Variants in RNF13 observed in about 807,000 individuals in gnomAD.
RNF13 encodes E3 ubiquitin-protein ligase RNF13.
Under a neutral mutation model 37.7 loss-of-function variants are expected in RNF13, and 19 were observed. The ratio of observed to expected loss-of-function variants is 0.50; its 90% CI spans 0.35 to 0.74. The LOEUF is 0.74. RNF13 is among the 30% of genes least tolerant of loss of function. The probability of loss-of-function intolerance (pLI) is 0.01; values close to 1 mark genes in which losing one functional copy is unlikely to be tolerated. For synonymous variants in RNF13, 144 were observed against 157.8 expected (o/e 0.91, Z 0.65); for missense variants, 375 against 453.0 (o/e 0.83, Z 1.56).
chr3:149,845,957 C>T (rs1722602283), intron 1 of RNF13, 54 bp from the exon 2 acceptor site: 11 of 896,100 alleles, frequency 1.2e-5, no homozygotes, highest in Non-Finnish European at 2.0e-5. Context: ...ATCAAATGAT[C>T]TATTCCCTGG....
chr3:149,852,920 A>G (rs1316018779), intron 3 of RNF13, among the ~76,000 whole-genome samples: 1 of 151,864 alleles, frequency 6.6e-6, no homozygotes, highest in Non-Finnish European at 1.5e-5. Context: ...ATTTACATAT[A>G]TATGTAAATG....
chr3:149,955,031 C>A (rs1721725971), intron 8 of RNF13, among the ~76,000 whole-genome samples: 1 of 152,144 alleles, frequency 6.6e-6, no homozygotes, highest in South Asian at 2.1e-4. Flanking sequence ...GAGCTGTCTC[C>A]CTTGCCCCAT....
chr3:149,930,723 C>T (rs1559958976), intron 8 of RNF13, among the ~76,000 whole-genome samples: 1 of 152,114 alleles, frequency 6.6e-6, no homozygotes, highest in Admixed American at 6.6e-5. Flanking sequence ...TATTATTTAT[C>T]GGTTCAGGTT....
At chr3:149,954,861 CTCT>C in intron 8 of RNF13, among the ~76,000 whole-genome samples, 1 of 152,280 alleles carries the variant, frequency 6.6e-6, no homozygotes, top group South Asian at 2.1e-4. Context: ...TCAAAAATTG[CTCT>C]TCAAGCAAAA....
At chr3:149,941,707 A>G (rs1233817156) in intron 8 of RNF13, among the ~76,000 whole-genome samples, 10 of 150,960 alleles carry the variant, frequency 6.6e-5, no homozygotes, top group Non-Finnish European at 1.0e-4. Flanking sequence ...CCATTTGTCT[A>G]TTTTTTTCTT....
chr3:149,870,514 C>T (rs1205140200), intron 3 of RNF13, among the ~76,000 whole-genome samples: 1 of 151,804 alleles, frequency 6.6e-6, no homozygotes, highest in Admixed American at 6.6e-5. Flanking sequence ...GGAAGCCAAC[C>T]TATATGGCTT....
intron 4 of RNF13, among the ~76,000 whole-genome samples, chr3:149,885,617 A>G (rs1023810544): frequency 6.6e-6 from 1 of 152,108 alleles, no homozygotes; most frequent in African/African-American, 2.4e-5. Flanking sequence ...AACTCCTTAT[A>G]TATTCTGGTT....
At chr3:149,900,332 C>T (rs1188877428) in intron 5 of RNF13, among the ~76,000 whole-genome samples, 1 of 151,944 alleles carries the variant, frequency 6.6e-6, no homozygotes, top group Non-Finnish European at 1.5e-5. Context: ...AAGCTTTAAA[C>T]TCATATGTGG....
At chr3:149,859,679 A>T (rs927709558) in intron 3 of RNF13, among the ~76,000 whole-genome samples, 1 of 152,120 alleles carries the variant, frequency 6.6e-6, no homozygotes, top group Non-Finnish European at 1.5e-5. Flanking sequence ...TGCTCATGAA[A>T]AAATATTTTT....
At position 149,960,961 on chromosome 3, in the gene RNF13, A is replaced by G. The variant is rs1456087351; in HGVS notation, c.1003A>G (p.Met335Val). The G allele has an allele frequency of 1.9e-6, 3 of 1,614,244 alleles. No individual in the cohort carries two copies. The highest frequency in any genetic ancestry group is 2.7e-5 in the African/African-American group (2 of 75,072). ...ALSESRSHQNMTESSDYEEDD... is the reference protein window; with the variant it reads ...ALSESRSHQNVTESSDYEEDD... The stretch of plus-strand genomic sequence containing the variant: ...ATCGGAATCCCGCTCACATCAGAAC[A>G]TGACAGAATCTTCAGACTATGAGGA... The change falls in exon 10 of 10, where the codon ATG (methionine) becomes GTG (valine). Residue 335 changes from methionine (M) to valine (V), a missense_variant. Transcript: ENST00000392894.
chr3:149,878,481 A>G (rs940933667), intron 4 of RNF13, among the ~76,000 whole-genome samples: 1 of 152,164 alleles, frequency 6.6e-6, no homozygotes, highest in Non-Finnish European at 1.5e-5. Flanking sequence ...TTGAAATGGA[A>G]TGTAATATTG....
At chr3:149,868,985 G>C (rs1269736046) in intron 3 of RNF13, among the ~76,000 whole-genome samples, 1 of 151,660 alleles carries the variant, frequency 6.6e-6, no homozygotes, top group East Asian at 1.9e-4. Flanking sequence ...CTTAGAGTTA[G>C]TCTTTTGAGG....
chr3:149,850,486 T>TTCA (rs1311510863), intron 2 of RNF13, among the ~76,000 whole-genome samples: 1 of 152,220 alleles, frequency 6.6e-6, no homozygotes, highest in Non-Finnish European at 1.5e-5. Context: ...CAAAAAGGGT[T>TTCA]TCATTCAGTA....
chr3:149,887,946 A>G (rs1292266112), intron 4 of RNF13, among the ~76,000 whole-genome samples: 1 of 152,242 alleles, frequency 6.6e-6, no homozygotes, highest in East Asian at 1.9e-4. Context: ...CTTGAACATG[A>G]AAGTTGATTG....
At chr3:149,944,539 G>GGTTTTGATTT (rs772953257) in intron 8 of RNF13, among the ~76,000 whole-genome samples, 1 of 151,392 alleles carries the variant, frequency 6.6e-6, no homozygotes. Context: ...ATCTCATTGT[G>GGTTTTGATTT]GCATTTCTCT....
chr3:149,839,010 C>T (rs577600325), intron 1 of RNF13, among the ~76,000 whole-genome samples: 6 of 50,670 alleles, frequency 1.2e-4, no homozygotes, highest in African/African-American at 3.2e-4. Context: ...AAATTTCTTC[C>T]GCCAGATACC....
intron 1 of RNF13, among the ~76,000 whole-genome samples, chr3:149,832,034 T>C (rs934808165): frequency 6.6e-6 from 1 of 152,232 alleles, no homozygotes; most frequent in Non-Finnish European, 1.5e-5. Context: ...TAATTAATTG[T>C]TCGCTGATTT....
intron 6 of RNF13, among the ~76,000 whole-genome samples, chr3:149,911,612 T>C (rs889284340): frequency 6.6e-6 from 1 of 151,834 alleles, no homozygotes; most frequent in Non-Finnish European, 1.5e-5. Flanking sequence ...TGAGCTGAGA[T>C]TGCACCACTG....
At chr3:149,825,098 A>G (rs1720364814) in intron 1 of RNF13, among the ~76,000 whole-genome samples, 2 of 151,720 alleles carry the variant, frequency 1.3e-5, no homozygotes, top group Non-Finnish European at 2.9e-5. Context: ...AGCTGGGACT[A>G]TAGGTGCATG....
Sources: allele counts gnomAD v4.1 joint callset (sites outside exome capture counted in the v4.1 genomes callset), GRCh38; gene constraint gnomAD v4.1.1; transcripts MANE v1.5; gene names NCBI Gene and HGNC (gene_info 2026-07-23, HGNC 2026-07-21).